Variants in AFG2A observed in about 807,000 individuals in gnomAD.
AFG2A encodes AAA ATPase AFG2A.
At chr4:123,118,852 A>G in the AFG2A span, among the ~76,000 whole-genome samples, 1 of 152,140 alleles carries the variant, frequency 6.6e-6, no homozygotes, top group African/African-American at 2.4e-5. Flanking sequence ...TTTTATATTT[A>G]TGTTTAATGA....
the AFG2A span, among the ~76,000 whole-genome samples, chr4:122,966,884 T>C: frequency 6.6e-6 from 1 of 152,160 alleles, no homozygotes; most frequent in African/African-American, 2.4e-5. Flanking sequence ...TTTAATGAAG[T>C]AATTATGTCT....
chr4:123,017,981 C>T, the AFG2A span, among the ~76,000 whole-genome samples: 2 of 152,104 alleles, frequency 1.3e-5, no homozygotes, highest in East Asian at 3.9e-4. Context: ...TAGCTCAGTT[C>T]ATTAATTTTT....
chr4:123,112,557 A>G, the AFG2A span, among the ~76,000 whole-genome samples: 1 of 152,168 alleles, frequency 6.6e-6, no homozygotes, highest in South Asian at 2.1e-4. Flanking sequence ...TCCTTCTTTC[A>G]CATATCAGTT....
At chr4:123,159,755 A>G in the AFG2A span, among the ~76,000 whole-genome samples, 1 of 152,146 alleles carries the variant, frequency 6.6e-6, no homozygotes, top group Non-Finnish European at 1.5e-5. Context: ...AATTGTCCTG[A>G]GTCTCCTGGT....
At chr4:123,273,258 A>C in the AFG2A span, among the ~76,000 whole-genome samples, 1 of 152,162 alleles carries the variant, frequency 6.6e-6, no homozygotes, top group Admixed American at 6.6e-5. Flanking sequence ...CATTATGCGT[A>C]GTATAATATA....
the AFG2A span, among the ~76,000 whole-genome samples, chr4:123,080,955 T>A: frequency 8.5e-5 from 13 of 152,198 alleles, no homozygotes; most frequent in East Asian, 1.7e-3. Flanking sequence ...TTTTTTTTTT[T>A]AGAGTAGTTT....
chr4:123,131,768 AT>A, the AFG2A span, among the ~76,000 whole-genome samples: 1 of 152,200 alleles, frequency 6.6e-6, no homozygotes, highest in Non-Finnish European at 1.5e-5. Flanking sequence ...GCTATTATGA[AT>A]AGTGGTATTA....
the AFG2A span, among the ~76,000 whole-genome samples, chr4:122,957,729 T>TTTG: frequency 9.9e-3 from 1,510 of 152,226 alleles, 16 homozygotes; most frequent in Non-Finnish European, 0.016. Flanking sequence ...ACATCTGTTT[T>TTTG]TTGTTGTTGT....
chr4:123,167,201 T>A, the AFG2A span, among the ~76,000 whole-genome samples: 11 of 148,450 alleles, frequency 7.4e-5, no homozygotes, highest in Admixed American at 6.7e-4. Context: ...ATTTATATAT[T>A]ATATATATTT....
the AFG2A span, among the ~76,000 whole-genome samples, chr4:122,994,188 T>A: frequency 6.6e-6 from 1 of 152,166 alleles, no homozygotes; most frequent in African/African-American, 2.4e-5. Flanking sequence ...ATTTCTTCTA[T>A]GATTTTTAAT....
chr4:122,944,097 T>TCTG, the AFG2A span, among the ~76,000 whole-genome samples: 2 of 152,230 alleles, frequency 1.3e-5, no homozygotes, highest in African/African-American at 4.8e-5. Context: ...CTTTGGTGAA[T>TCTG]CTGACAATTA....
At chr4:123,213,031 CA>C in the AFG2A span, among the ~76,000 whole-genome samples, 3 of 152,126 alleles carry the variant, frequency 2.0e-5, no homozygotes, top group Admixed American at 2.0e-4. Context: ...CATACCTCCT[CA>C]AAAGAGTTTT....
chr4:123,087,956 C>G, the AFG2A span, among the ~76,000 whole-genome samples: 4 of 152,240 alleles, frequency 2.6e-5, no homozygotes, highest in Admixed American at 1.3e-4. Context: ...TTTATTGTCT[C>G]TTCTCTACAC....
the AFG2A span, among the ~76,000 whole-genome samples, chr4:123,288,964 T>C: frequency 6.6e-6 from 1 of 152,222 alleles, no homozygotes; most frequent in Non-Finnish European, 1.5e-5. Context: ...TTTTTCTACA[T>C]ATTTAGTGTT....
chr4:123,095,696 A>G, the AFG2A span, among the ~76,000 whole-genome samples: 1 of 72,710 alleles, frequency 1.4e-5, no homozygotes, highest in Non-Finnish European at 2.6e-5. Context: ...TTATGTTTTT[A>G]GGCTAAAACT....
chr4:123,158,021 T>A, the AFG2A span, among the ~76,000 whole-genome samples: 1 of 152,126 alleles, frequency 6.6e-6, no homozygotes, highest in Non-Finnish European at 1.5e-5. Flanking sequence ...GGCAGCTTTT[T>A]CAAATACACA....
chr4:123,217,774 T>C, the AFG2A span, among the ~76,000 whole-genome samples: 4 of 152,224 alleles, frequency 2.6e-5, no homozygotes, highest in African/African-American at 7.2e-5. Context: ...GTGCAGCATA[T>C]GTCTGCTCAG....
chr4:122,933,596 T>G, the AFG2A span: 1 of 848,928 alleles, frequency 1.2e-6, no homozygotes, highest in South Asian at 1.7e-5. Context: ...GTAGTTTTCT[T>G]CAAAATAGCT....
chr4:122,971,663 T>C, the AFG2A span, among the ~76,000 whole-genome samples: 1 of 152,178 alleles, frequency 6.6e-6, no homozygotes, highest in East Asian at 1.9e-4. Context: ...TTACAAACTG[T>C]TACTTAATAT....
Sources: allele counts gnomAD v4.1 joint callset (sites outside exome capture counted in the v4.1 genomes callset), GRCh38; gene constraint gnomAD v4.1.1; transcripts MANE v1.5; gene names NCBI Gene and HGNC (gene_info 2026-07-23, HGNC 2026-07-21).